Variants in CDC34 observed in about 807,000 individuals in gnomAD.
CDC34 encodes cell division cycle 34, ubiquitin conjugating enzyme.
In CDC34, 18 loss-of-function variants were observed where a neutral mutation model predicts 26.8. The ratio of observed to expected loss-of-function variants is 0.67; its 90% CI spans 0.47 to 1.00. CDC34 has a LOEUF of 1.00. Ranked by LOEUF, CDC34 falls within the 50% of genes least tolerant of loss-of-function variation. The probability of loss-of-function intolerance (pLI) is 0.00; values close to 1 mark genes in which losing one functional copy is unlikely to be tolerated. For missense variants in CDC34, 280 were observed against 334.5 expected (o/e 0.84, Z 1.27); for synonymous variants, 178 against 147.5 (o/e 1.21, Z -1.50).
chr19:540,842 G>C (rs142231793), intron 4 of CDC34, among the ~76,000 whole-genome samples: 1 of 142,494 alleles, frequency 7.0e-6, no homozygotes, highest in East Asian at 2.1e-4. Flanking sequence ...CAGGCCCCCG[G>C]GTTTAGAATC....
In CDC34 at chr19:535,880, C is replaced by G; in HGVS notation, c.221C>G (p.Ala74Gly). Residue 74 changes from alanine to glycine, a missense_variant, in exon 2 of 5, where the codon GCC becomes GGC. Transcript: ENST00000215574. ...ATCGACTACCCATACTCTCCACCAG[C>G]CTTTCGGTTCCTGACCAAGATGTGG... The part of the protein sequence containing the change: ...FPIDYPYSPP[A>G]FRFLTKMWHP... The G allele has an allele frequency of 6.2e-7, 1 of 1,613,988 alleles. No homozygotes were observed. The highest frequency in any genetic ancestry group is 1.3e-5 in the African/African-American group (1 of 75,078).
At chr19:535,682 G>A (rs1298074381) in intron 1 of CDC34, among the ~76,000 whole-genome samples, 155 bp from the exon 2 acceptor site, 1 of 152,214 alleles carries the variant, frequency 6.6e-6, no homozygotes, top group African/African-American at 2.4e-5. Flanking sequence ...CTTGACCCCA[G>A]GCCTGTGAGA....
At position 541,319 on chromosome 19, in the gene CDC34, C is replaced by T. The variant is rs1018291979; in HGVS notation, c.498-20C>T. 2.6e-6 allele frequency: 4 copies of T among 1,532,600 alleles called. No individual in the cohort carries two copies. Among genetic ancestry groups the T allele is most frequent in the East Asian group, 2.4e-5 (1 of 41,270 alleles). The allele number at this position is 1,532,600 out of a possible 1,614,324, so 94.9% of individuals were successfully genotyped here. The stretch of plus-strand genomic sequence containing the variant: ...AGTCCAGGCACGTGGGTGGCGCCCT[C>T]ACCCACCCTGTCCCCCCAGGAAGCA... On this transcript the variant is annotated intron_variant, in intron 4 of 4. Transcript: ENST00000215574.
intron 1 of CDC34, among the ~76,000 whole-genome samples, chr19:535,097 A>G (rs2043090006): frequency 6.6e-6 from 1 of 152,238 alleles, no homozygotes; most frequent in African/African-American, 2.4e-5. Flanking sequence ...ATCACGCCCC[A>G]GGCTGCAGGC....
intron 2 of CDC34, 128 bp from the exon 3 acceptor site, chr19:536,115 T>A (rs888399641): frequency 1.2e-6 from 1 of 833,586 alleles, no homozygotes; most frequent in African/African-American, 1.7e-5. Flanking sequence ...CATGTCCTCG[T>A]CCTTCCGGGA....
chr19:536,898 A>G (rs896627440), intron 3 of CDC34, 115 bp from the exon 4 acceptor site: 30 of 1,163,948 alleles, frequency 2.6e-5, no homozygotes, highest in South Asian at 2.4e-4. Flanking sequence ...CCATGAGGCC[A>G]GGTGAAGGTC....
intron 2 of CDC34, 42 bp from the exon 3 acceptor site, chr19:536,201 G>A: frequency 6.6e-7 from 1 of 1,508,550 alleles, no homozygotes; most frequent in East Asian, 2.4e-5. Flanking sequence ...GGGAGCCCGT[G>A]CTGACCTCTG....
Position 541,529 on chromosome 19 carries a change from G to C in CDC34, c.688G>C (p.Asp230His). ...CAGCTGCTTCGGGGACGATGAGGAT[G>C]ACTCTGGCACGGAGGAGTCCTGACA... is the stretch of plus-strand genomic sequence containing the variant. ...ADSCFGDDEDDSGTEES is the reference protein window; with the variant it reads ...ADSCFGDDEDHSGTEES Residue 230 changes from aspartate (D) to histidine (H), a missense_variant, in exon 5 of 5, where the codon GAC becomes CAC. Physicochemically the swap from Asp to His is moderately conservative, Grantham distance 81. Transcript: ENST00000215574. 6.2e-7 allele frequency: 1 copy of C among 1,603,904 alleles called. No individual in the cohort carries two copies. The highest frequency in any genetic ancestry group is 2.2e-5 in the East Asian group (1 of 44,736).
Position 536,248 on chromosome 19 carries a change from G to T in CDC34, c.270G>T (p.Gly90=). ...KMWHPNIYET[G]DVCISILHPP... is the part of the protein sequence containing the mutation. Reference sequence around the variant, plus strand: ...CCTGTCTTCTTCTTGTGCAGACGGGGGACGTGTGTATCTCCATCCTCCACC... The same window carrying T: ...CCTGTCTTCTTCTTGTGCAGACGGGTGACGTGTGTATCTCCATCCTCCACC... Residue 90 remains glycine, a synonymous_variant, in exon 3 of 5, where the codon GGG becomes GGT. Coordinates refer to ENST00000215574, the MANE Select transcript of CDC34 (RefSeq NM_004359.2). 1 of 1,604,704 alleles carries T rather than the reference G, an allele frequency of 6.2e-7. No individual in the cohort carries two copies. The highest frequency in any genetic ancestry group is 8.5e-7 in the Non-Finnish European group (1 of 1,176,266).
At chr19:533,770 T>G (rs1180453796) in intron 1 of CDC34, among the ~76,000 whole-genome samples, 1 of 152,200 alleles carries the variant, frequency 6.6e-6, no homozygotes, top group African/African-American at 2.4e-5. Context: ...CCTCTAGACA[T>G]CTGCCACAGG....
At chr19:536,003 G>C in intron 2 of CDC34, 80 bp downstream of exon 2, 1 of 1,379,850 alleles carries the variant, frequency 7.2e-7, no homozygotes, top group South Asian at 1.2e-5. Context: ...TCATCCTTCC[G>C]GGACCCGGGG....
intron 1 of CDC34, among the ~76,000 whole-genome samples, chr19:534,347 C>T (rs1404290694): frequency 1.3e-5 from 2 of 149,368 alleles, no homozygotes; most frequent in African/African-American, 4.9e-5. Flanking sequence ...AGGGGCCCGT[C>T]CACGATCCAA....
chr19:539,818 G>A (rs997840130), intron 4 of CDC34, among the ~76,000 whole-genome samples: 17 of 152,206 alleles, frequency 1.1e-4, no homozygotes, highest in Admixed American at 5.9e-4. Context: ...CATTCTTGAC[G>A]CGTGTCCTGG....
chr19:540,894 C>T (rs1487200269), intron 4 of CDC34, among the ~76,000 whole-genome samples: 7 of 152,156 alleles, frequency 4.6e-5, no homozygotes, highest in Non-Finnish European at 1.0e-4. Context: ...TTTGCGTTTC[C>T]CATCTCACCT....
chr19:541,458 TCTACGACGACTA>T lies in CDC34; in HGVS notation c.624_635del (p.Asp208_Tyr211del). On this transcript the variant is annotated inframe_deletion, in exon 5 of 5. Transcript: ENST00000215574. ...GCGCCCGACGAGGGCTCAGACCTCTTCTACGACGACTACTACGAGGACGGCGAGGTGGAGGAG... is the reference window on the plus strand; with the variant it reads ...GCGCCCGACGAGGGCTCAGACCTCTTCTACGAGGACGGCGAGGTGGAGGAG... The T allele has an allele frequency of 6.2e-7, 1 of 1,612,778 alleles. No individual in the cohort carries two copies. The highest frequency in any genetic ancestry group is 8.5e-7 in the Non-Finnish European group (1 of 1,179,882).
chr19:532,044 T>G lies in CDC34; in HGVS notation c.113T>G (p.Leu38Arg), dbSNP rs755819680. The G allele has an allele frequency of 3.3e-6, 5 of 1,521,084 alleles. No homozygotes were observed. Among genetic ancestry groups the G allele is most frequent in the Non-Finnish European group, 4.4e-6 (5 of 1,143,290 alleles). The allele number at this position is 1,521,084 out of a possible 1,614,324, so 94.2% of individuals were successfully genotyped here. A position where few individuals can be genotyped will look rare whatever the true frequency, so the allele number is the denominator to read the frequency against. The change falls in exon 1 of 5, where the codon CTA (leucine) becomes CGA (arginine). Residue 38 changes from leucine to arginine, a missense_variant. Coordinates refer to ENST00000215574, the MANE Select transcript of CDC34 (RefSeq NM_004359.2). Reference sequence around the variant, plus strand: ...GTGACACTGGTGGACGAGGGCGATCTATACAACTGGGAGGTGGCCATCTTC... The same window carrying G: ...GTGACACTGGTGGACGAGGGCGATCGATACAACTGGGAGGTGGCCATCTTC... ...FRVTLVDEGDLYNWEVAIFGP... is the reference protein window; with the variant it reads ...FRVTLVDEGDRYNWEVAIFGP...
intron 4 of CDC34, among the ~76,000 whole-genome samples, chr19:540,124 A>AGGTTTAGAAT (rs1979947916): frequency 5.8e-5 from 3 of 52,124 alleles, no homozygotes; most frequent in African/African-American, 1.5e-4. Flanking sequence ...CAGGCCCCCC[A>AGGTTTAGAAT]CGTTTAGAAT....
intron 4 of CDC34, among the ~76,000 whole-genome samples, chr19:540,842 G>GCAC (rs1979979279): frequency 4.2e-5 from 6 of 142,458 alleles, no homozygotes; most frequent in Middle Eastern, 3.7e-3. Context: ...CAGGCCCCCG[G>GCAC]GTTTAGAATC....
chr19:537,577 C>T (rs962536740), intron 4 of CDC34, among the ~76,000 whole-genome samples: 1 of 151,488 alleles, frequency 6.6e-6, no homozygotes, highest in Admixed American at 6.6e-5. Flanking sequence ...TGGTCTCGAT[C>T]TCCTGACCTC....
Sources: allele counts gnomAD v4.1 joint callset (sites outside exome capture counted in the v4.1 genomes callset), GRCh38; gene constraint gnomAD v4.1.1; transcripts MANE v1.5; gene names NCBI Gene and HGNC (gene_info 2026-07-23, HGNC 2026-07-21).